The following SLC24A2 variants were observed in gnomAD, a reference collection of about 807,000 sequenced individuals.
The protein encoded by SLC24A2 is solute carrier family 24 member 2.
Under a neutral mutation model 62.0 loss-of-function variants are expected in SLC24A2, and 36 were observed. The observed-to-expected ratio is 0.58, with a 90% confidence interval of 0.44 to 0.77. The LOEUF is 0.77. Ranked by LOEUF, SLC24A2 falls within the 30% of genes least tolerant of loss-of-function variation. The pLI is 0.00. For synonymous variants in SLC24A2, 358 were observed against 294.0 expected (o/e 1.22, Z -2.23); for missense variants, 846 against 817.9 (o/e 1.03, Z -0.42).
the SLC24A2 span, among the ~76,000 whole-genome samples, chr9:20,040,306 T>G: frequency 6.6e-6 from 1 of 152,196 alleles, no homozygotes; most frequent in Non-Finnish European, 1.5e-5. Flanking sequence ...TGGGAGAAGT[T>G]TGAGAGACAT....
chr9:19,880,477 G>T, the SLC24A2 span, among the ~76,000 whole-genome samples: 1 of 152,168 alleles, frequency 6.6e-6, no homozygotes, highest in African/African-American at 2.4e-5. Context: ...CCACGGAAGT[G>T]GGGCTGCTTT....
At chr9:19,995,431 C>T in the SLC24A2 span, among the ~76,000 whole-genome samples, 4 of 152,008 alleles carry the variant, frequency 2.6e-5, no homozygotes, top group African/African-American at 9.7e-5. Context: ...GAACTTTATT[C>T]CCAGAGTACA....
chr9:20,158,840 A>C, the SLC24A2 span, among the ~76,000 whole-genome samples: 15 of 151,670 alleles, frequency 9.9e-5, no homozygotes. Context: ...CTTTCCAAAA[A>C]TAAAAGGATC....
the SLC24A2 span, among the ~76,000 whole-genome samples, chr9:19,923,574 G>C: frequency 6.6e-6 from 1 of 152,128 alleles, no homozygotes; most frequent in East Asian, 1.9e-4. Context: ...CAGTTCTGCT[G>C]TGCTCTTGGT....
chr9:19,512,354 G>C lies in SLC24A2; in HGVS notation c.*3799C>G, dbSNP rs377429039. 9.2e-5 allele frequency: 14 copies of C among 152,216 alleles called. No homozygotes were observed. The highest frequency in any genetic ancestry group is 6.5e-5 in the Admixed American group (1 of 15,274). 9.4% of individuals were successfully genotyped at this position (152,216 alleles called of 1,614,324 possible). A position where few individuals can be genotyped will look rare whatever the true frequency, so the allele number is the denominator to read the frequency against. On this transcript the variant is annotated 3_prime_UTR_variant, in exon 11 of 11. Coordinates refer to ENST00000341998, the MANE Select transcript of SLC24A2 (RefSeq NM_020344.4). ...AAGCATTTTTCCTGAATATAAAACA[G>C]TCTCCGCCTCTTTTTATAATCTTCT...
intron 2 of SLC24A2, among the ~76,000 whole-genome samples, chr9:19,626,907 A>C (rs1818048898): frequency 6.6e-6 from 1 of 152,226 alleles, no homozygotes; most frequent in South Asian, 2.1e-4. Context: ...CAAATCTGAA[A>C]TATAAAAGGA....
the SLC24A2 span, among the ~76,000 whole-genome samples, chr9:19,894,791 C>T: frequency 6.6e-6 from 1 of 152,164 alleles, no homozygotes; most frequent in Admixed American, 6.5e-5. Context: ...TTTGATACCA[C>T]AATCATGAAT....
chr9:19,927,277 G>A, the SLC24A2 span: 1 of 152,246 alleles, frequency 6.6e-6, no homozygotes, highest in African/African-American at 2.4e-5. Flanking sequence ...CCTTGGGCTA[G>A]AAAGTTCTCT....
chr9:19,811,708 A>G, the SLC24A2 span, among the ~76,000 whole-genome samples: 1 of 152,014 alleles, frequency 6.6e-6, no homozygotes, highest in Non-Finnish European at 1.5e-5. Context: ...ATTATCTTTT[A>G]CCACTTTTCT....
chr9:20,125,095 T>C, the SLC24A2 span, among the ~76,000 whole-genome samples: 31 of 152,152 alleles, frequency 2.0e-4, no homozygotes, highest in African/African-American at 7.2e-5. Context: ...GAATAACAAG[T>C]ACAAAATGCC....
At chr9:20,225,283 A>G in the SLC24A2 span, among the ~76,000 whole-genome samples, 1 of 151,764 alleles carries the variant, frequency 6.6e-6, no homozygotes, top group African/African-American at 2.4e-5. Context: ...AACATGTATA[A>G]CAATGCACAT....
the SLC24A2 span, among the ~76,000 whole-genome samples, chr9:20,154,928 A>G: frequency 6.6e-6 from 1 of 151,662 alleles, no homozygotes; most frequent in Admixed American, 6.6e-5. Context: ...AAGTAAGGCC[A>G]GAGGGGTAAG....
At chr9:20,175,188 G>T in the SLC24A2 span, among the ~76,000 whole-genome samples, 5 of 151,982 alleles carry the variant, frequency 3.3e-5, no homozygotes, top group African/African-American at 1.2e-4. Context: ...AAGCTATGAG[G>T]ATGTGAAGAC....
At chr9:19,541,494 G>A (rs1231323543) in intron 8 of SLC24A2, among the ~76,000 whole-genome samples, 2 of 149,678 alleles carry the variant, frequency 1.3e-5, no homozygotes, top group African/African-American at 4.9e-5. Context: ...CCCTGCTGGG[G>A]GGTGCCTCCC....
the SLC24A2 span, among the ~76,000 whole-genome samples, chr9:20,178,288 C>A: frequency 6.6e-6 from 1 of 152,146 alleles, no homozygotes; most frequent in Non-Finnish European, 1.5e-5. Context: ...TATAACCTAT[C>A]AGCTGTTACT....
At chr9:19,959,842 G>A in the SLC24A2 span, among the ~76,000 whole-genome samples, 33 of 152,190 alleles carry the variant, frequency 2.2e-4, no homozygotes, top group Non-Finnish European at 3.8e-4. Context: ...GCAACAACAA[G>A]TGAGCACGTG....
intron 2 of SLC24A2, among the ~76,000 whole-genome samples, chr9:19,625,677 C>A (rs944521562): frequency 1.5e-5 from 2 of 133,192 alleles, no homozygotes; most frequent in African/African-American, 5.3e-5. Flanking sequence ...ATCCCATTTC[C>A]TTTTTTTTCT....
At chr9:19,704,313 A>C (rs1587183338) in intron 2 of SLC24A2, among the ~76,000 whole-genome samples, 1 of 152,238 alleles carries the variant, frequency 6.6e-6, no homozygotes, top group East Asian at 1.9e-4. Context: ...GTGATTTCAT[A>C]ATTAGTTCCA....
chr9:19,960,851 G>C, the SLC24A2 span, among the ~76,000 whole-genome samples: 1 of 152,128 alleles, frequency 6.6e-6, no homozygotes, highest in Non-Finnish European at 1.5e-5. Context: ...CATATGTAAA[G>C]CTCTGAGCAC....
Sources: gnomAD v4.1 joint callset for allele counts (sites outside exome capture counted in the v4.1 genomes callset) on GRCh38, gnomAD v4.1.1 for gene constraint, MANE v1.5 for transcripts, NCBI Gene and HGNC (gene_info 2026-07-23, HGNC 2026-07-21) for gene names.